PRIM2: variants seen among roughly 807,000 people sequenced by gnomAD.
PRIM2 encodes the protein DNA primase subunit 2.
Under a neutral mutation model 67.3 loss-of-function variants are expected in PRIM2, and 39 were observed. That is an observed-to-expected ratio of 0.58 (90% confidence interval 0.45 to 0.76). PRIM2 has a LOEUF of 0.76. Ranked by LOEUF, PRIM2 falls within the 30% of genes least tolerant of loss-of-function variation. The pLI, the probability that PRIM2 is intolerant of heterozygous loss-of-function variation, is 0.00. For synonymous variants in PRIM2, 143 were observed against 198.7 expected, an observed-to-expected ratio of 0.72 and a Z score of 2.36; for missense variants, 398 against 598.7, an observed-to-expected ratio of 0.66 and a Z score of 3.50.
Position 57,496,817 on chromosome 6 carries a change from A to G in PRIM2, c.694-10570A>G, listed in dbSNP as rs1375096251. On this transcript the variant is annotated intron_variant, in intron 7 of 13. Transcript: ENST00000615550. ...TTTAAATGGTTTTTAGAGTCTTTGC[A>G]TAAAATGATTTTTGGCTGAAAAAAA... Among the ~76,000 whole-genome samples the G allele has an allele frequency of 3.9e-5, 6 of 152,294 alleles. No homozygotes were observed. The South Asian group carries it at 1.2e-3, about 32-fold the overall frequency.
chr6:57,638,576 C>CAAAAAAAAAAAAA (rs1227220865), intron 13 of PRIM2, among the ~76,000 whole-genome samples: 8 of 32,010 alleles, frequency 2.5e-4, no homozygotes, highest in Non-Finnish European at 3.3e-4. Flanking sequence ...AAACAGAAAG[C>CAAAAAAAAAAAAA]AAAAAAAAAA....
intron 5 of PRIM2, among the ~76,000 whole-genome samples, chr6:57,376,233 C>T (rs1385581901): frequency 6.6e-6 from 1 of 151,990 alleles, no homozygotes; most frequent in Non-Finnish European, 1.5e-5. Flanking sequence ...AGGCTAGTCT[C>T]AAACTCCTGG....
At chr6:57,470,755 G>A (rs1773318412) in intron 7 of PRIM2, among the ~76,000 whole-genome samples, 1 of 151,928 alleles carries the variant, frequency 6.6e-6, no homozygotes, top group African/African-American at 2.4e-5. Context: ...GCTAGTTTTA[G>A]TTACAGCCTA....
At chr6:57,250,766 G>A in the PRIM2 span, among the ~76,000 whole-genome samples, 1 of 152,130 alleles carries the variant, frequency 6.6e-6, no homozygotes, top group African/African-American at 2.4e-5. Context: ...AGATGAAGTA[G>A]TATTTGACTC....
intron 12 of PRIM2, among the ~76,000 whole-genome samples, chr6:57,606,736 T>G (rs1251083506): frequency 6.6e-6 from 1 of 152,202 alleles, no homozygotes; most frequent in Non-Finnish European, 1.5e-5. Flanking sequence ...CTATCTCAAT[T>G]GAGGACTACA....
chr6:57,604,205 T>G (rs1776521236), intron 11 of PRIM2, among the ~76,000 whole-genome samples: 2 of 152,180 alleles, frequency 1.3e-5, no homozygotes, highest in South Asian at 2.1e-4. Context: ...TAATTCCAGC[T>G]ATTCAGGAGG....
At chr6:57,333,949 A>T (rs980919496) in intron 5 of PRIM2, among the ~76,000 whole-genome samples, 1 of 152,204 alleles carries the variant, frequency 6.6e-6, no homozygotes, top group Non-Finnish European at 1.5e-5. Flanking sequence ...ATTTTTCATC[A>T]ATACAGTTTG....
chr6:57,553,047 T>C (rs1775435303), intron 10 of PRIM2, among the ~76,000 whole-genome samples: 1 of 152,210 alleles, frequency 6.6e-6, no homozygotes. Context: ...AACAATACCA[T>C]TGTCACTAGC....
chr6:57,423,320 A>G (rs1253597776), intron 7 of PRIM2, among the ~76,000 whole-genome samples: 1 of 152,186 alleles, frequency 6.6e-6, no homozygotes, highest in Non-Finnish European at 1.5e-5. Context: ...AGAAGCATAT[A>G]TATAATTTTC....
intron 5 of PRIM2, among the ~76,000 whole-genome samples, chr6:57,336,604 A>G (rs1286016380): frequency 6.6e-6 from 1 of 151,994 alleles, no homozygotes; most frequent in Non-Finnish European, 1.5e-5. Flanking sequence ...ATATCCAGCC[A>G]AACTAAGCTT....
chr6:57,243,433 T>C, the PRIM2 span, among the ~76,000 whole-genome samples: 1 of 152,194 alleles, frequency 6.6e-6, no homozygotes, highest in East Asian at 1.9e-4. Flanking sequence ...TTGGGACAGA[T>C]GAGAAGGTTA....
intron 12 of PRIM2, among the ~76,000 whole-genome samples, chr6:57,609,250 AAGAATGGTGACAG>A (rs1776620969): frequency 6.6e-6 from 1 of 152,230 alleles, no homozygotes; most frequent in East Asian, 1.9e-4. Flanking sequence ...ACTTGAACCA[AAGAATGGTGACAG>A]AGAAAGGCAT....
At chr6:57,238,753 C>CA in the PRIM2 span, among the ~76,000 whole-genome samples, 1 of 152,098 alleles carries the variant, frequency 6.6e-6, no homozygotes, top group Non-Finnish European at 1.5e-5. Flanking sequence ...AAAAACCCTT[C>CA]AAAAAATCAA....
intron 7 of PRIM2, among the ~76,000 whole-genome samples, chr6:57,434,789 T>C (rs2127381441): frequency 6.7e-6 from 1 of 148,524 alleles, no homozygotes; most frequent in East Asian, 2.0e-4. Flanking sequence ...TTTTCTTTTC[T>C]TTTTTTTCTT....
At chr6:57,227,801 T>C in the PRIM2 span, among the ~76,000 whole-genome samples, 3 of 152,218 alleles carry the variant, frequency 2.0e-5, no homozygotes. Flanking sequence ...CCAATTCTCT[T>C]AATGGGCAGT....
chr6:57,339,366 A>T (rs1768387753), intron 5 of PRIM2, among the ~76,000 whole-genome samples: 2 of 152,140 alleles, frequency 1.3e-5, no homozygotes, highest in African/African-American at 2.4e-5. Context: ...TTTAAAGTTC[A>T]TATGGAACCA....
chr6:57,452,664 A>G (rs1330305912), intron 7 of PRIM2, among the ~76,000 whole-genome samples: 2 of 152,088 alleles, frequency 1.3e-5, no homozygotes, highest in Non-Finnish European at 1.5e-5. Context: ...GTTTGAGTTC[A>G]TCGTAGATTC....
At chr6:57,350,488 A>G (rs1394832834) in intron 5 of PRIM2, among the ~76,000 whole-genome samples, 1 of 152,232 alleles carries the variant, frequency 6.6e-6, no homozygotes, top group Non-Finnish European at 1.5e-5. Flanking sequence ...CTGAAATTTA[A>G]CTTGTCAATC....
intron 8 of PRIM2, among the ~76,000 whole-genome samples, chr6:57,509,856 T>G (rs1244606654): frequency 6.7e-6 from 1 of 149,056 alleles, no homozygotes; most frequent in Admixed American, 6.7e-5. Context: ...TTTTAAAACA[T>G]TTTAAATATA....
Sources: allele counts gnomAD v4.1 joint callset (sites outside exome capture counted in the v4.1 genomes callset), GRCh38; gene constraint gnomAD v4.1.1; transcripts MANE v1.5; gene names NCBI Gene and HGNC (gene_info 2026-07-23, HGNC 2026-07-21).